The following PRR12 variants were observed in gnomAD, a reference collection of about 807,000 sequenced individuals.
PRR12 encodes proline rich 12.
PRR12 carries 12 observed loss-of-function variants against 138.0 expected under a neutral mutation model. The ratio of observed to expected loss-of-function variants is 0.09; its 90% CI spans 0.06 to 0.14. PRR12 has a LOEUF of 0.14. PRR12 is among the 10% of genes least tolerant of loss of function. PRR12 has a pLI of 1.00. For missense variants in PRR12, 2,692 were observed against 2,861.3 expected, an observed-to-expected ratio of 0.94 and a Z score of 1.35; for synonymous variants, 1,567 against 1,291.7, an observed-to-expected ratio of 1.21 and a Z score of -4.57.
chr19:49,603,832 T>C (rs1158577575), intron 6 of PRR12, among the ~76,000 whole-genome samples: 2 of 152,106 alleles, frequency 1.3e-5, no homozygotes. Context: ...TTTTCTTTTC[T>C]TTTCTTTTCT....
intron 11 of PRR12, among the ~76,000 whole-genome samples, chr19:49,622,600 A>AG (rs2080929084): frequency 6.9e-6 from 1 of 144,454 alleles, no homozygotes; most frequent in African/African-American, 2.6e-5. Context: ...CAAAAAAGAA[A>AG]AAAAAAACAG....
In PRR12 at chr19:49,595,800, C is replaced by A; in HGVS notation, c.1465C>A (p.Pro489Thr). The change falls in exon 4 of 14, where the codon CCT becomes ACT. Residue 489 changes from proline (P) to threonine (T), a missense_variant. By Grantham distance (38) the Pro-to-Thr change is conservative. Coordinates refer to ENST00000418929, the MANE Select transcript of PRR12 (RefSeq NM_020719.3). Reference sequence around the variant, plus strand: ...ACAGCCCCCCAGCGGCCCCCCTCCTCCTGGCCTGGCCACATGTCAGAGCTA... The same window carrying A: ...ACAGCCCCCCAGCGGCCCCCCTCCTACTGGCCTGGCCACATGTCAGAGCTA... ...PPQPPSGPPP[P>T]GLATCQSYSP... is the part of the protein sequence containing the mutation. 6.3e-7 allele frequency: 1 copy of A among 1,598,134 alleles called. No homozygotes were observed. Among genetic ancestry groups the A allele is most frequent in the Admixed American group, 1.7e-5 (1 of 58,362 alleles).
At chr19:49,602,022 C>A in intron 6 of PRR12, 104 bp downstream of exon 6, 26 of 1,398,672 alleles carry the variant, frequency 1.9e-5, no homozygotes, top group Non-Finnish European at 2.5e-5. Context: ...CAGATCCAGT[C>A]GTGGCCGGGC....
chr19:49,599,482 C>G lies in PRR12; in HGVS notation c.3889C>G (p.Pro1297Ala). 1 of 1,601,956 alleles carries G rather than the reference C, an allele frequency of 6.2e-7. No homozygotes were observed. The highest frequency in any genetic ancestry group is 8.5e-7 in the Non-Finnish European group (1 of 1,174,948). The stretch of plus-strand genomic sequence containing the variant: ...CCTCAAGTCAGGCAAGCGCCACCCA[C>G]CACTCTACCAGGCGGGCCTGACGCC... The part of the protein sequence containing the change: ...DFLKSGKRHP[P>A]LYQAGLTPPL... Residue 1297 changes from proline to alanine, a missense_variant, in exon 5 of 14, where the codon CCA becomes GCA. This residue lies in a region of PRR12 where 326 missense variants were observed against 344.2 expected (regional missense o/e 0.95). Coordinates refer to ENST00000418929, the MANE Select transcript of PRR12 (RefSeq NM_020719.3). The surrounding 1 kb of genome is among the most constrained non-coding windows in gnomAD (Gnocchi z 5.0).
At chr19:49,615,081 G>A in intron 8 of PRR12, 72 bp downstream of exon 8, 3 of 1,585,548 alleles carry the variant, frequency 1.9e-6, no homozygotes, top group Non-Finnish European at 2.6e-6. Flanking sequence ...GCATGCAAGA[G>A]AGAAGGCTGG....
intron 11 of PRR12, among the ~76,000 whole-genome samples, chr19:49,622,924 T>TAGAGAGAG (rs1296077375): frequency 1.2e-5 from 1 of 84,756 alleles, no homozygotes; most frequent in South Asian, 4.3e-4. Flanking sequence ...TATATATATA[T>TAGAGAGAG]ATATAGAGAG....
In PRR12 at chr19:49,626,385, G is replaced by A. The variant is rs2080956237; in HGVS notation, c.*778G>A. On this transcript the variant is annotated 3_prime_UTR_variant, in exon 14 of 14. Coordinates refer to ENST00000418929, the MANE Select transcript of PRR12 (RefSeq NM_020719.3). ...CTTGGGCTTCTGTACAACTCAACTT[G>A]TATACACTGTGTACACACAACCAGC... 1 of 151,846 alleles carries A rather than the reference G, an allele frequency of 6.6e-6. No individual in the cohort carries two copies. Among genetic ancestry groups the A allele is most frequent in the Admixed American group, 6.6e-5 (1 of 15,242 alleles). 9.4% of individuals were successfully genotyped at this position (151,846 alleles called of 1,614,324 possible).
At chr19:49,622,421 C>T (rs1480862753) in intron 11 of PRR12, among the ~76,000 whole-genome samples, 3 of 151,860 alleles carry the variant, frequency 2.0e-5, no homozygotes, top group Non-Finnish European at 2.9e-5. Context: ...AGTGAAACCC[C>T]GTCTCTACTC....
At chr19:49,620,519 T>A (rs2080916779) in intron 10 of PRR12, 42 bp downstream of exon 10, 2 of 1,540,038 alleles carry the variant, frequency 1.3e-6, no homozygotes, top group Non-Finnish European at 1.8e-6. Context: ...GCTGACTCGG[T>A]CTGAGGGAGC....
In PRR12 at chr19:49,601,634, C is replaced by T; in HGVS notation, c.4489C>T (p.Pro1497Ser). The change falls in exon 6 of 14, where the codon CCG (proline) becomes TCG (serine). Residue 1497 changes from proline (P) to serine (S), a missense_variant. By Grantham distance (74) the Pro-to-Ser change is moderately conservative. Transcript: ENST00000418929. ...PLVAPTPSSPPPPPLPPPPPP... is the reference protein window; with the variant it reads ...PLVAPTPSSPSPPPLPPPPPP... Reference sequence around the variant, plus strand: ...GGTGGCCCCCACGCCCAGCTCACCACCGCCACCGCCGCTGCCGCCGCCACC... The same window carrying T: ...GGTGGCCCCCACGCCCAGCTCACCATCGCCACCGCCGCTGCCGCCGCCACC... 6.5e-7 allele frequency: 1 copy of T among 1,537,390 alleles called. No individual in the cohort carries two copies. The highest frequency in any genetic ancestry group is 8.7e-7 in the Non-Finnish European group (1 of 1,144,476).
At chr19:49,609,987 T>A (rs1033176862) in intron 6 of PRR12, among the ~76,000 whole-genome samples, 4 of 151,742 alleles carry the variant, frequency 2.6e-5, no homozygotes, top group Non-Finnish European at 5.9e-5. Context: ...TTCTTTTTTT[T>A]TTTTGAGACG....
intron 6 of PRR12, among the ~76,000 whole-genome samples, chr19:49,602,831 T>A (rs1247237988): frequency 6.6e-6 from 1 of 152,226 alleles, no homozygotes; most frequent in Non-Finnish European, 1.5e-5. Flanking sequence ...GGATTACAGG[T>A]GTGAGCCACT....
chr19:49,602,681 A>G (rs1042041644), intron 6 of PRR12, among the ~76,000 whole-genome samples: 1 of 152,046 alleles, frequency 6.6e-6, no homozygotes, highest in Middle Eastern at 3.4e-3. Flanking sequence ...CCTCCCAACT[A>G]TCTGGGACTA....
chr19:49,614,392 G>A lies in PRR12; in HGVS notation c.4774-141G>A, dbSNP rs1011086932. The A allele has an allele frequency of 1.7e-6, 1 of 605,682 alleles. No homozygotes were observed. Among genetic ancestry groups the A allele is most frequent in the Non-Finnish European group, 2.9e-6 (1 of 347,986 alleles). 37.5% of individuals were successfully genotyped at this position (605,682 alleles called of 1,614,324 possible). A position where few individuals can be genotyped will look rare whatever the true frequency, so the allele number is the denominator to read the frequency against. On this transcript the variant is annotated intron_variant, in intron 6 of 13. Transcript: ENST00000418929. The surrounding 1 kb of genome is among the most constrained non-coding windows in gnomAD (Gnocchi z 5.0). ...TGTACACAGAGCTGAACACATCATG[G>A]GGGTAGAAGATATTTGTTGTTGACG...
At chr19:49,593,468 G>A in intron 2 of PRR12, 29 bp downstream of exon 2, 1 of 1,116,544 alleles carries the variant, frequency 9.0e-7, no homozygotes, top group African/African-American at 1.6e-5. Context: ...CCCGCTTTGG[G>A]CTGGCCCTCC....
Position 49,596,234 on chromosome 19 carries a change from G to A in PRR12, c.1899G>A (p.Ala633=), listed in dbSNP as rs373077958. Residue 633 remains alanine (A), a synonymous_variant, in exon 4 of 14, where the codon GCG becomes GCA. Coordinates refer to ENST00000418929, the MANE Select transcript of PRR12 (RefSeq NM_020719.3). This position sits in a 1 kb window ranked among gnomAD's most constrained non-coding sequence, Gnocchi z 5.6. The part of the protein sequence containing the change: ...ELLAGPGGPP[A]ERTEDEEFLI... The stretch of plus-strand genomic sequence containing the variant: ...TGGCGGGCCCAGGTGGGCCTCCTGC[G>A]GAGCGCACAGAGGATGAGGAGTTCC... 8.3e-5 allele frequency: 133 copies of A among 1,610,880 alleles called. No individual in the cohort carries two copies. In the African/African-American group the frequency reaches 1.5e-3, roughly 18 times the overall value.
intron 6 of PRR12, among the ~76,000 whole-genome samples, chr19:49,610,836 C>A (rs936065720): frequency 4.6e-5 from 7 of 151,842 alleles, no homozygotes; most frequent in Non-Finnish European, 8.8e-5. Flanking sequence ...AGCCACTGCG[C>A]CCGGCCTTTT....
chr19:49,595,515 G>A lies in PRR12; in HGVS notation c.1180G>A (p.Gly394Ser), dbSNP rs772816102. Reference sequence around the variant, plus strand: ...GTCGCCTGGGTACAAGACGGGCAAAGGTGGTTATGGAGCAGCTGCCGGGGG... The same window carrying A: ...GTCGCCTGGGTACAAGACGGGCAAAAGTGGTTATGGAGCAGCTGCCGGGGG... ...IQSPGYKTGK[G>S]GYGAAAGGAT... The change falls in exon 4 of 14, where the codon GGT (glycine) becomes AGT (serine). Residue 394 changes from glycine to serine, a missense_variant. Physicochemically the swap from Gly to Ser is moderately conservative, Grantham distance 56. Transcript: ENST00000418929. 17 of 1,567,390 alleles carry A rather than the reference G, an allele frequency of 1.1e-5. No individual in the cohort carries two copies. In the African/African-American group the frequency reaches 1.6e-4, roughly 15 times the overall value.
At chr19:49,621,760 G>C in intron 11 of PRR12, 138 bp downstream of exon 11, 1 of 693,506 alleles carries the variant, frequency 1.4e-6, no homozygotes, top group South Asian at 1.7e-5. Flanking sequence ...AAAAGTTGAG[G>C]GCAGGACTGT....
Sources: gnomAD v4.1 joint callset for allele counts (sites outside exome capture counted in the v4.1 genomes callset) on GRCh38, gnomAD v4.1.1 for gene constraint, gnomAD v4.1.1 regional missense constraint, Gnocchi (gnomAD v3.1) non-coding constraint, MANE v1.5 for transcripts, NCBI Gene and HGNC (gene_info 2026-07-23, HGNC 2026-07-21) for gene names.